The following MCF2L variants were observed in gnomAD, a reference collection of about 807,000 sequenced individuals.
The protein encoded by MCF2L is guanine nucleotide exchange factor DBS.
A neutral mutation model predicts 153.4 loss-of-function variants in MCF2L; 97 were observed. The ratio of observed to expected loss-of-function variants is 0.63; its 90% CI spans 0.54 to 0.75. MCF2L has a LOEUF of 0.75. Among genes scored for constraint, MCF2L ranks in the 30% least tolerant of loss-of-function variants. The pLI is 0.00. For synonymous variants in MCF2L, 659 were observed against 632.2 expected, an observed-to-expected ratio of 1.04 and a Z score of -0.64; for missense variants, 1,347 against 1,495.2, an observed-to-expected ratio of 0.90 and a Z score of 1.64.
chr13:112,970,907 G>A (rs940748525), intron 1 of MCF2L, among the ~76,000 whole-genome samples: 7 of 152,112 alleles, frequency 4.6e-5, no homozygotes, highest in Non-Finnish European at 7.4e-5. Flanking sequence ...TGAGATGTGC[G>A]TCCTCCCACA....
intron 4 of MCF2L, among the ~76,000 whole-genome samples, chr13:113,056,707 T>C (rs1245043476): frequency 4.8e-5 from 7 of 146,876 alleles, no homozygotes; most frequent in Admixed American, 1.3e-4. Flanking sequence ...GTTTAGGTGC[T>C]GTGTGTTTGG....
intron 2 of MCF2L, among the ~76,000 whole-genome samples, chr13:112,906,174 C>T (rs115226742): frequency 0.013 from 2,005 of 152,310 alleles, 48 homozygotes; most frequent in African/African-American, 0.046. Context: ...TTTCAGCTAT[C>T]GTGACAGTGT....
At chr13:112,972,557 T>G (rs998910450) in intron 1 of MCF2L, among the ~76,000 whole-genome samples, 12 of 137,614 alleles carry the variant, frequency 8.7e-5, no homozygotes, top group Non-Finnish European at 1.7e-4. Flanking sequence ...GATAAATAGA[T>G]AAATGGAGGA....
In MCF2L at chr13:112,928,041, A is replaced by T. The variant is rs143922993; in HGVS notation, c.169+25670A>T. Among the ~76,000 whole-genome samples the T allele has an allele frequency of 6.3e-3, 955 of 152,322 alleles. 13 individuals carry two copies. Among genetic ancestry groups the T allele is most frequent in the African/African-American group, 0.021 (875 of 41,560 alleles). ...CTGGCTAGATATTTAATTCTGAATA[A>T]TTATTAATTGTATTGTGGCTGTGGA... On this transcript the variant is annotated intron_variant, in intron 2 of 29. Transcript: ENST00000375608.
intron 2 of MCF2L, among the ~76,000 whole-genome samples, chr13:112,911,599 G>C (rs1261291504): frequency 6.6e-6 from 1 of 152,176 alleles, no homozygotes; most frequent in Non-Finnish European, 1.5e-5. Flanking sequence ...CCCTGCTGTG[G>C]TCACCCGGGC....
intron 2 of MCF2L, among the ~76,000 whole-genome samples, chr13:112,940,968 C>G (rs765353015): frequency 5.3e-5 from 8 of 152,160 alleles, no homozygotes; most frequent in Non-Finnish European, 1.0e-4. Context: ...TTGTACAGTC[C>G]TGGAAGAGGA....
intron 2 of MCF2L, among the ~76,000 whole-genome samples, chr13:112,963,896 GCCACGCCAACCACCCACTTGCTCCAGGCC>G (rs2081862464): frequency 6.6e-6 from 1 of 152,234 alleles, no homozygotes; most frequent in Non-Finnish European, 1.5e-5. Context: ...AGTGTGCACG[GCCACGCCAACCACCCACTTGCTCCAGGCC>G]CCAGAGATTC....
chr13:113,060,926 C>T (rs2031291831), intron 5 of MCF2L, among the ~76,000 whole-genome samples: 2 of 151,842 alleles, frequency 1.3e-5, no homozygotes, highest in African/African-American at 4.8e-5. Context: ...CCCACCCCGC[C>T]AGAGGTGCAC....
At chr13:112,974,941 C>T (rs927054263) in intron 1 of MCF2L, among the ~76,000 whole-genome samples, 1 of 152,196 alleles carries the variant, frequency 6.6e-6, no homozygotes, top group African/African-American at 2.4e-5. Context: ...GTTTCGTTTC[C>T]TCCGCCGCCT....
intron 1 of MCF2L, chr13:112,985,581 C>T (rs956937794): frequency 2.4e-6 from 1 of 421,560 alleles, no homozygotes; most frequent in South Asian, 1.7e-5. Context: ...CTGTGGATGC[C>T]CCGTGCTCCA....
chr13:113,057,633 GTGTT>G (rs72314585), intron 4 of MCF2L, among the ~76,000 whole-genome samples: 44,466 of 138,742 alleles, frequency 0.32, 7,513 homozygotes, highest in South Asian at 0.39. Flanking sequence ...TGGGTGCTGA[GTGTT>G]TGGGTGCTGA....
chr13:112,901,639 A>T (rs2081120590), intron 1 of MCF2L, among the ~76,000 whole-genome samples: 1 of 152,216 alleles, frequency 6.6e-6, no homozygotes, highest in Non-Finnish European at 1.5e-5. Context: ...AAATGCAGCT[A>T]CTAGTTTTCT....
intron 24 of MCF2L, 52 bp from the exon 25 acceptor site, chr13:113,088,510 G>T: frequency 2.5e-6 from 4 of 1,609,152 alleles, no homozygotes; most frequent in Non-Finnish European, 3.4e-6. Context: ...AGGTGCCTCG[G>T]CGTTGAAGTA....
rs1010447730 is a variant in MCF2L at position 112,941,724 on chromosome 13, A to G, written c.169+39353A>G. Among the ~76,000 whole-genome samples, 25 of 152,230 alleles carry G rather than the reference A, an allele frequency of 1.6e-4. No homozygotes were observed. Among genetic ancestry groups the G allele is most frequent in the African/African-American group, 5.5e-4 (23 of 41,460 alleles). Reference sequence around the variant, plus strand: ...AAATATATAAAATAAGAATAGTTATACTAGATATCGATCTTAGATGTGATT... The same window carrying G: ...AAATATATAAAATAAGAATAGTTATGCTAGATATCGATCTTAGATGTGATT... On this transcript the variant is annotated intron_variant, in intron 2 of 29. Transcript: ENST00000375608. This position sits in a 1 kb window ranked among gnomAD's most constrained non-coding sequence, Gnocchi z 4.9.
chr13:112,953,466 C>T (rs564869124), intron 2 of MCF2L, among the ~76,000 whole-genome samples: 28 of 152,204 alleles, frequency 1.8e-4, no homozygotes, highest in Non-Finnish European at 3.8e-4. Flanking sequence ...ACAAGCTAAC[C>T]GGTATGCACG....
In MCF2L at chr13:113,054,568, G is replaced by C. The variant is rs1317555031; in HGVS notation, c.370-6025G>C. 1 of 152,874 alleles carries C rather than the reference G, an allele frequency of 6.5e-6. No individual in the cohort carries two copies. Among genetic ancestry groups the C allele is most frequent in the Non-Finnish European group, 1.5e-5 (1 of 68,042 alleles). The allele number at this position is 152,874 out of a possible 1,614,324, so 9.5% of individuals were successfully genotyped here. A position where few individuals can be genotyped will look rare whatever the true frequency, so the allele number is the denominator to read the frequency against. The stretch of plus-strand genomic sequence containing the variant: ...TTTTTTATATAAACTTGTGTTTACT[G>C]TTTGGCTACTGTCAGACAAATGTAG... On this transcript the variant is annotated intron_variant, in intron 4 of 29. Coordinates refer to ENST00000535094, the MANE Select transcript of MCF2L (RefSeq NM_001112732.3). The surrounding 1 kb of genome is among the most constrained non-coding windows in gnomAD (Gnocchi z 5.2).
At chr13:112,916,760 C>T (rs1211879623) in intron 2 of MCF2L, among the ~76,000 whole-genome samples, 1 of 152,128 alleles carries the variant, frequency 6.6e-6, no homozygotes, top group Non-Finnish European at 1.5e-5. Context: ...ACTCCCCGAA[C>T]AACCAGCTCA....
rs1466361242 is a variant in MCF2L, at chr13:113,045,647, T to G, written c.369+286T>G. ...CCCATATGTTTCCGAACACCAAGTCTGAGATGCTCGGGACTGAATATGCCT... is the reference window on the plus strand; with the variant it reads ...CCCATATGTTTCCGAACACCAAGTCGGAGATGCTCGGGACTGAATATGCCT... On this transcript the variant is annotated intron_variant, in intron 4 of 29. Transcript: ENST00000535094. This position sits in a 1 kb window ranked among gnomAD's most constrained non-coding sequence, Gnocchi z 4.2. 1 of 502,616 alleles carries G rather than the reference T, an allele frequency of 2.0e-6. No homozygotes were observed. Among genetic ancestry groups the G allele is most frequent in the Non-Finnish European group, 3.6e-6 (1 of 277,726 alleles). 31.1% of individuals were successfully genotyped at this position (502,616 alleles called of 1,614,324 possible).
intron 1 of MCF2L, among the ~76,000 whole-genome samples, chr13:113,000,609 C>T (rs1453234149): frequency 1.3e-5 from 2 of 152,210 alleles, no homozygotes; most frequent in African/African-American, 4.8e-5. Context: ...GGCGAGGCCA[C>T]GCTTTCCTCT....
Sources: allele counts gnomAD v4.1 joint callset (sites outside exome capture counted in the v4.1 genomes callset), GRCh38; gene constraint gnomAD v4.1.1; non-coding constraint Gnocchi (gnomAD v3.1); transcripts MANE v1.5; gene names NCBI Gene and HGNC (gene_info 2026-07-23, HGNC 2026-07-21).